The following MRPL48 variants were observed in gnomAD, a reference collection of about 807,000 sequenced individuals.
MRPL48 encodes mitochondrial ribosomal protein L48, also known as large ribosomal subunit protein mL48.
MRPL48 carries 16 observed loss-of-function variants against 32.9 expected under a neutral mutation model. The ratio of observed to expected loss-of-function variants is 0.49; its 90% CI spans 0.33 to 0.74. MRPL48 has a LOEUF of 0.74. Among genes scored for constraint, MRPL48 ranks in the 30% least tolerant of loss-of-function variants. The pLI is 0.02. For synonymous variants in MRPL48, 94 were observed against 89.2 expected (o/e 1.05, Z -0.31); for missense variants, 206 against 245.3 (o/e 0.84, Z 1.07).
intron 5 of MRPL48, among the ~76,000 whole-genome samples, chr11:73,858,965 A>G (rs1382688590): frequency 6.6e-6 from 1 of 152,236 alleles, no homozygotes; most frequent in East Asian, 1.9e-4. Context: ...TGATTTTAGT[A>G]AGCATAAACT....
At chr11:73,849,073 C>T (rs923939679) in intron 5 of MRPL48, among the ~76,000 whole-genome samples, 6 of 151,404 alleles carry the variant, frequency 4.0e-5, no homozygotes, top group African/African-American at 1.5e-4. Flanking sequence ...CTGCCTGCCT[C>T]GGCCTTTCCA....
At chr11:73,838,104 G>A (rs1393660587) in intron 4 of MRPL48, among the ~76,000 whole-genome samples, 2 of 152,050 alleles carry the variant, frequency 1.3e-5, no homozygotes, top group Non-Finnish European at 2.9e-5. Flanking sequence ...CGCCTGCCTC[G>A]GCCTCCCAAA....
Sources: gnomAD v4.1 joint callset for allele counts (sites outside exome capture counted in the v4.1 genomes callset) on GRCh38, gnomAD v4.1.1 for gene constraint, MANE v1.5 for transcripts, NCBI Gene and HGNC (gene_info 2026-07-23, HGNC 2026-07-21) for gene names.